Variants in PCDHA3 observed in about 807,000 individuals in gnomAD.
The protein encoded by PCDHA3 is protocadherin alpha 3.
In PCDHA3, 41 loss-of-function variants were observed where a neutral mutation model predicts 62.2. That is an observed-to-expected ratio of 0.66 (90% CI 0.51 to 0.86). The LOEUF is 0.86. Among genes scored for constraint, PCDHA3 ranks in the 40% least tolerant of loss-of-function variants. The pLI, the probability that PCDHA3 is intolerant of heterozygous loss-of-function variation, is 0.00. For missense variants in PCDHA3, 1,304 were observed against 1,241.2 expected, an observed-to-expected ratio of 1.05 and a Z score of -0.76; for synonymous variants, 640 against 555.4, an observed-to-expected ratio of 1.15 and a Z score of -2.14.
rs140013560 is a variant in PCDHA3 at position 140,850,963 on chromosome 5, C to A, written c.2394+47372C>A. On this transcript the variant is annotated intron_variant, in intron 1 of 3. Coordinates refer to ENST00000522353, the MANE Select transcript of PCDHA3 (RefSeq NM_018906.3). The stretch of plus-strand genomic sequence containing the variant: ...AGATATTATCGATTACTCCCAGGGG[C>A]CGTTCAAATAGTTTTATTCATTTTT... The A allele has an allele frequency of 5.0e-4, 731 of 1,472,590 alleles. 40 individuals carry two copies. The African/African-American group carries it at 9.3e-3, about 19-fold the overall frequency. The allele number at this position is 1,472,590 out of a possible 1,614,324, so 91.2% of individuals were successfully genotyped here.
chr5:140,804,575 T>A (rs576900652), intron 1 of PCDHA3: 5 of 152,418 alleles, frequency 3.3e-5, no homozygotes, highest in African/African-American at 1.2e-4. Context: ...GATGCTAATA[T>A]GAAATAAGTT....
intron 1 of PCDHA3, among the ~76,000 whole-genome samples, chr5:140,937,239 G>C (rs1331547271): frequency 2.0e-5 from 3 of 151,804 alleles, no homozygotes; most frequent in African/African-American, 7.3e-5. Context: ...GGGTTTCACC[G>C]TGTTAGCCAG....
chr5:140,872,448 G>A (rs1164382380), intron 1 of PCDHA3, among the ~76,000 whole-genome samples: 2 of 151,992 alleles, frequency 1.3e-5, no homozygotes, highest in South Asian at 2.1e-4. Flanking sequence ...ACAACATAGC[G>A]AGATCCTGTC....
intron 1 of PCDHA3, chr5:140,822,534 T>G (rs2150117075): frequency 6.2e-7 from 1 of 1,613,922 alleles, no homozygotes; most frequent in Non-Finnish European, 8.5e-7. Context: ...TGTTGGAAAA[T>G]GCACCAAGTG....
intron 1 of PCDHA3, chr5:140,830,139 C>G (rs2150181764): frequency 1.2e-6 from 2 of 1,613,260 alleles, no homozygotes; most frequent in Non-Finnish European, 1.7e-6. Flanking sequence ...TCACGGGCGT[C>G]GGTGGGCGCC....
chr5:140,939,803 T>C (rs2092462819), intron 1 of PCDHA3, among the ~76,000 whole-genome samples: 1 of 152,228 alleles, frequency 6.6e-6, no homozygotes, highest in African/African-American at 2.4e-5. Flanking sequence ...ATGTTCTGCA[T>C]GTTCAAGAAA....
At chr5:140,953,035 C>A (rs2094836412) in intron 1 of PCDHA3, among the ~76,000 whole-genome samples, 1 of 152,116 alleles carries the variant, frequency 6.6e-6, no homozygotes, top group Admixed American at 6.5e-5. Flanking sequence ...GGAAATCCAC[C>A]CCCATGATCC....
chr5:140,842,600 G>C (rs1778125962), intron 1 of PCDHA3: 1 of 1,543,982 alleles, frequency 6.5e-7, no homozygotes. Flanking sequence ...GGTGGTAACC[G>C]CGCGGGACGG....
intron 1 of PCDHA3, chr5:140,930,019 T>G (rs1454076883): frequency 6.6e-6 from 1 of 152,222 alleles, no homozygotes; most frequent in Non-Finnish European, 1.5e-5. Context: ...GATAGCTCCA[T>G]AGCAGTGTTT....
intron 1 of PCDHA3, among the ~76,000 whole-genome samples, chr5:140,960,928 AAGTTT>A (rs2095579865): frequency 6.6e-6 from 1 of 152,184 alleles, no homozygotes; most frequent in South Asian, 2.1e-4. Context: ...AATTGGTACT[AAGTTT>A]AGTGAATTAG....
At chr5:140,871,360 AG>A in intron 1 of PCDHA3, 1 of 1,614,180 alleles carries the variant, frequency 6.2e-7, no homozygotes, top group East Asian at 2.2e-5. Context: ...CTCGCAGCAG[AG>A]GCGGCAGAGG....
intron 1 of PCDHA3, chr5:140,861,357 G>A (rs560903391): frequency 3.0e-5 from 10 of 335,976 alleles, no homozygotes; most frequent in East Asian, 7.7e-5. Context: ...GGCACATAGC[G>A]TCTTCGCGGT....
chr5:140,871,919 A>G (rs1434717967), intron 1 of PCDHA3, among the ~76,000 whole-genome samples: 1 of 152,216 alleles, frequency 6.6e-6, no homozygotes, highest in African/African-American at 2.4e-5. Context: ...TGATATTTCC[A>G]CATTGTTAGA....
intron 1 of PCDHA3, among the ~76,000 whole-genome samples, chr5:140,937,911 CAAAA>C (rs200797202): frequency 8.5e-6 from 1 of 117,894 alleles, no homozygotes; most frequent in Non-Finnish European, 1.9e-5. Context: ...GACTCCGTCT[CAAAA>C]AAAAAAAAAA....
intron 1 of PCDHA3, chr5:140,843,724 A>G: frequency 6.4e-7 from 1 of 1,561,476 alleles, no homozygotes; most frequent in East Asian, 2.2e-5. Context: ...AAGTAAGTCC[A>G]TTTAAATTTA....
intron 1 of PCDHA3, chr5:140,823,600 G>A: frequency 6.2e-6 from 10 of 1,614,032 alleles, no homozygotes; most frequent in Non-Finnish European, 8.5e-6. Flanking sequence ...GCTTTCGTAT[G>A]AGCTGCAGCC....
chr5:140,984,243 C>T (rs781830326), intron 3 of PCDHA3, among the ~76,000 whole-genome samples: 2 of 152,246 alleles, frequency 1.3e-5, no homozygotes, highest in Non-Finnish European at 2.9e-5. Context: ...CATTGTAGGT[C>T]GACCTGGTAA....
rs2150422300 is a variant in PCDHA3, at chr5:140,848,837, G to T, written c.2394+45246G>T. On this transcript the variant is annotated intron_variant, in intron 1 of 3. Coordinates refer to ENST00000522353, the MANE Select transcript of PCDHA3 (RefSeq NM_018906.3). The stretch of plus-strand genomic sequence containing the variant: ...TGGAGGTGATCGTAGACAGGCCGCT[G>T]CAGGTTTTCCATGTGGACGTGGAGG... 11 of 1,590,342 alleles carry T rather than the reference G, an allele frequency of 6.9e-6. 1 individual carries two copies. Among genetic ancestry groups the T allele is most frequent in the Non-Finnish European group, 9.5e-6 (11 of 1,162,060 alleles).
chr5:141,000,417 A>ATTTT (rs1563652061), intron 3 of PCDHA3, among the ~76,000 whole-genome samples: 4 of 77,746 alleles, frequency 5.1e-5, no homozygotes, highest in African/African-American at 1.1e-4. Flanking sequence ...ATATATATAT[A>ATTTT]TATATTTTTT....
Sources: allele counts gnomAD v4.1 joint callset (sites outside exome capture counted in the v4.1 genomes callset), GRCh38; gene constraint gnomAD v4.1.1; transcripts MANE v1.5; gene names NCBI Gene and HGNC (gene_info 2026-07-23, HGNC 2026-07-21).